The following AFG2A variants were observed in gnomAD, a reference collection of about 807,000 sequenced individuals.
AFG2A encodes ATPase family gene 2 protein homolog A.
At chr4:123,281,556 A>G in the AFG2A span, among the ~76,000 whole-genome samples, 1 of 152,168 alleles carries the variant, frequency 6.6e-6, no homozygotes, top group East Asian at 1.9e-4. Flanking sequence ...TCTGGGCCTC[A>G]GTTTTCTCAT....
chr4:123,194,590 A>G, the AFG2A span, among the ~76,000 whole-genome samples: 1 of 152,228 alleles, frequency 6.6e-6, no homozygotes, highest in African/African-American at 2.4e-5. Flanking sequence ...ACATGAAATG[A>G]TATGAAGTTA....
At chr4:123,297,996 T>G in the AFG2A span, among the ~76,000 whole-genome samples, 1 of 152,094 alleles carries the variant, frequency 6.6e-6, no homozygotes, top group African/African-American at 2.4e-5. Context: ...TCGGCCTGAC[T>G]CAGATTACCT....
At chr4:122,983,632 T>C in the AFG2A span, among the ~76,000 whole-genome samples, 1 of 152,246 alleles carries the variant, frequency 6.6e-6, no homozygotes, top group Non-Finnish European at 1.5e-5. Context: ...TTTCCTGTTA[T>C]TCTTTTCTGG....
At chr4:123,243,679 T>G in the AFG2A span, among the ~76,000 whole-genome samples, 1 of 151,976 alleles carries the variant, frequency 6.6e-6, no homozygotes, top group Non-Finnish European at 1.5e-5. Context: ...CAAACCAACA[T>G]GGCTCATGTA....
At chr4:123,206,684 C>G in the AFG2A span, among the ~76,000 whole-genome samples, 2 of 152,102 alleles carry the variant, frequency 1.3e-5, no homozygotes, top group Non-Finnish European at 2.9e-5. Context: ...TAGTAAATGT[C>G]CTGTCTATCC....
chr4:122,952,639 G>A, the AFG2A span, among the ~76,000 whole-genome samples: 3 of 152,152 alleles, frequency 2.0e-5, no homozygotes, highest in Admixed American at 6.5e-5. Flanking sequence ...GTGTGAGGGC[G>A]CAGTTTGAAA....
chr4:123,050,770 TCTTTCGCC>T, the AFG2A span, among the ~76,000 whole-genome samples: 1 of 150,308 alleles, frequency 6.7e-6, no homozygotes, highest in African/African-American at 2.5e-5. Flanking sequence ...GGAGTCTCGC[TCTTTCGCC>T]CTTTCGCCCA....
At chr4:123,235,616 A>G in the AFG2A span, among the ~76,000 whole-genome samples, 1 of 152,228 alleles carries the variant, frequency 6.6e-6, no homozygotes, top group Non-Finnish European at 1.5e-5. Context: ...TATTCTGACT[A>G]TGTCAACTAC....
the AFG2A span, among the ~76,000 whole-genome samples, chr4:123,134,236 A>C: frequency 1.3e-4 from 20 of 152,122 alleles, no homozygotes; most frequent in South Asian, 4.2e-3. Context: ...TTTTATTTTC[A>C]GGTCTTCTGC....
At chr4:123,239,254 C>T in the AFG2A span, among the ~76,000 whole-genome samples, 2 of 152,178 alleles carry the variant, frequency 1.3e-5, no homozygotes, top group Non-Finnish European at 2.9e-5. Flanking sequence ...TTAGAAAACA[C>T]TCTTCAGGAT....
chr4:123,180,975 CCT>C, the AFG2A span, among the ~76,000 whole-genome samples: 1,578 of 139,572 alleles, frequency 0.011, 6 homozygotes, highest in African/African-American at 0.014. Context: ...TCCTCCTCCC[CCT>C]CTTTTTTTTT....
the AFG2A span, among the ~76,000 whole-genome samples, chr4:123,238,149 T>A: frequency 6.6e-6 from 1 of 152,102 alleles, no homozygotes. Context: ...TGCTGAAGCT[T>A]AAGTAGGTAA....
chr4:123,189,809 C>CTTTTTTTTTTTTT, the AFG2A span, among the ~76,000 whole-genome samples: 5 of 61,768 alleles, frequency 8.1e-5, 1 homozygote, highest in Admixed American at 5.6e-4. Flanking sequence ...AGGTCATTTG[C>CTTTTTTTTTTTTT]TTTTTTTTTT....
At chr4:123,177,334 A>G in the AFG2A span, among the ~76,000 whole-genome samples, 2 of 149,494 alleles carry the variant, frequency 1.3e-5, no homozygotes, top group Non-Finnish European at 3.0e-5. Flanking sequence ...CTGGGACTAC[A>G]GGCATGCACC....
At chr4:122,986,195 C>T in the AFG2A span, among the ~76,000 whole-genome samples, 2 of 152,144 alleles carry the variant, frequency 1.3e-5, no homozygotes, top group Middle Eastern at 3.4e-3. Context: ...TGGCCTATCA[C>T]GTGGTCTGTT....
the AFG2A span, chr4:123,256,848 A>G: frequency 3.0e-6 from 3 of 983,700 alleles, no homozygotes; most frequent in African/African-American, 1.7e-5. Flanking sequence ...TGCTATTTTT[A>G]TTTACCAAAT....
chr4:123,314,343 A>G, the AFG2A span: 1 of 204,726 alleles, frequency 4.9e-6, no homozygotes, highest in Non-Finnish European at 9.7e-6. Flanking sequence ...TGTTCATCCC[A>G]TGAAGCGATT....
At chr4:123,128,782 G>C in the AFG2A span, among the ~76,000 whole-genome samples, 1 of 152,204 alleles carries the variant, frequency 6.6e-6, no homozygotes, top group Admixed American at 6.5e-5. Context: ...AGACCTGTGT[G>C]TGATTTCTGG....
At chr4:123,081,091 C>T in the AFG2A span, among the ~76,000 whole-genome samples, 1 of 152,104 alleles carries the variant, frequency 6.6e-6, no homozygotes, top group Non-Finnish European at 1.5e-5. Context: ...AATCTATAAA[C>T]CTACAATGAC....
Sources: gnomAD v4.1 joint callset for allele counts (sites outside exome capture counted in the v4.1 genomes callset) on GRCh38, gnomAD v4.1.1 for gene constraint, MANE v1.5 for transcripts, NCBI Gene and HGNC (gene_info 2026-07-23, HGNC 2026-07-21) for gene names.